The following TNFSF10 variants were observed in gnomAD, a reference collection of about 807,000 sequenced individuals.
The protein encoded by TNFSF10 is TNF superfamily member 10.
TNFSF10 carries 13 observed loss-of-function variants against 29.5 expected under a neutral mutation model. The ratio of observed to expected loss-of-function variants is 0.44; its 90% CI spans 0.29 to 0.70. TNFSF10 has a LOEUF of 0.70. Ranked by LOEUF, TNFSF10 falls within the 30% of genes least tolerant of loss-of-function variation. The probability of loss-of-function intolerance (pLI) is 0.13; values close to 1 mark genes in which losing one functional copy is unlikely to be tolerated. For missense variants in TNFSF10, 345 were observed against 330.9 expected (o/e 1.04, Z -0.33); for synonymous variants, 111 against 112.8 (o/e 0.98, Z 0.10).
chr3:172,506,955 A>G, intron 4 of TNFSF10, 36 bp from the exon 5 acceptor site: 1 of 1,489,704 alleles, frequency 6.7e-7, no homozygotes, highest in Non-Finnish European at 8.9e-7. Context: ...CGTTAACAGA[A>G]GGGAATTTGT....
rs1002254303 is a variant in TNFSF10, at chr3:172,506,689, G to T, written c.649C>A (p.Pro217Thr). ...VQYIYKYTSYPDPILLMKSAR... is the reference protein window; with the variant it reads ...VQYIYKYTSYTDPILLMKSAR... ...CTTTTCATCAACAATATAGGGTCAG[G>T]ATAACTTGTGTATTTGTAAATATAT... The change falls in exon 5 of 5, where the codon CCT (proline) becomes ACT (threonine). Residue 217 changes from proline to threonine, a missense_variant. Transcript: ENST00000241261. 1.2e-6 allele frequency: 2 copies of T among 1,614,038 alleles called. No individual in the cohort carries two copies. Among genetic ancestry groups the T allele is most frequent in the East Asian group, 4.5e-5 (2 of 44,894 alleles).
At position 172,506,531 on chromosome 3, in the gene TNFSF10, G is replaced by C. The variant is rs903747692; in HGVS notation, c.807C>G (p.Asp269Glu). Residue 269 changes from aspartate (D) to glutamate (E), a missense_variant, in exon 5 of 5, where the codon GAC (aspartate) becomes GAG (glutamate). By Grantham distance (45) the Asp-to-Glu change is conservative (BLOSUM62 2). Coordinates refer to ENST00000241261, the MANE Select transcript of TNFSF10 (RefSeq NM_003810.4). ...SVTNEHLIDMDHEASFFGAFL... is the reference protein window; with the variant it reads ...SVTNEHLIDMEHEASFFGAFL... Reference sequence around the variant, plus strand: ...AGGCCCCAAAAAAACTGGCTTCATGGTCCATGTCTATCAAGTGCTCATTTG... The same window carrying C: ...AGGCCCCAAAAAAACTGGCTTCATGCTCCATGTCTATCAAGTGCTCATTTG... 6.2e-7 allele frequency: 1 copy of C among 1,613,426 alleles called. No homozygotes were observed. Among genetic ancestry groups the C allele is most frequent in the Non-Finnish European group, 8.5e-7 (1 of 1,179,854 alleles).
intron 2 of TNFSF10, 129 bp downstream of exon 2, chr3:172,514,732 T>C: frequency 7.7e-7 from 1 of 1,294,724 alleles, no homozygotes; most frequent in South Asian, 1.6e-5. Flanking sequence ...ACTTAAATAC[T>C]CTGGGCCTAA....
chr3:172,511,505 A>C (rs1713222368), intron 3 of TNFSF10, 112 bp downstream of exon 3: 8 of 828,556 alleles, frequency 9.7e-6, no homozygotes, highest in Non-Finnish European at 1.1e-5. Context: ...GGAGCAGCAG[A>C]TCAGAGGATG....
chr3:172,522,890 A>C (rs547821210), intron 1 of TNFSF10, among the ~76,000 whole-genome samples: 1 of 152,334 alleles, frequency 6.6e-6, no homozygotes, highest in Admixed American at 6.5e-5. Context: ...CACAAATAAA[A>C]GTTTGGAAAA....
intron 2 of TNFSF10, 53 bp downstream of exon 2, chr3:172,514,808 A>G: frequency 6.3e-7 from 1 of 1,596,008 alleles, no homozygotes; most frequent in South Asian, 1.1e-5. Flanking sequence ...GCTTTAAGGA[A>G]TTCTTCTGGC....
intron 3 of TNFSF10, among the ~76,000 whole-genome samples, chr3:172,509,882 G>A (rs1713152837): frequency 6.6e-6 from 1 of 151,560 alleles, no homozygotes; most frequent in African/African-American, 2.4e-5. Context: ...AGGAGGCTGA[G>A]GCAGGAGAAT....
chr3:172,507,138 G>C (rs1330434240), intron 4 of TNFSF10: 12 of 538,660 alleles, frequency 2.2e-5, no homozygotes. Flanking sequence ...GGGAACTGTT[G>C]GGAGTCCCTT....
intron 1 of TNFSF10, among the ~76,000 whole-genome samples, chr3:172,519,061 G>T (rs546624735): frequency 5.8e-4 from 89 of 152,280 alleles, no homozygotes; most frequent in African/African-American, 2.0e-3. Flanking sequence ...CTGAGCTTTA[G>T]TTTGTTCATC....
At chr3:172,507,151 CT>C in intron 4 of TNFSF10, 1 of 509,394 alleles carries the variant, frequency 2.0e-6, no homozygotes, top group Non-Finnish European at 3.4e-6. Context: ...AGTCCCTTGT[CT>C]TTTTATACCT....
chr3:172,522,059 G>C (rs1560148903), intron 1 of TNFSF10, among the ~76,000 whole-genome samples: 1 of 113,870 alleles, frequency 8.8e-6, no homozygotes, highest in East Asian at 2.9e-4. Flanking sequence ...GGAGGCTAGG[G>C]GAGGGAGAGC....
At chr3:172,517,038 G>A (rs1045038758) in intron 1 of TNFSF10, among the ~76,000 whole-genome samples, 2 of 152,234 alleles carry the variant, frequency 1.3e-5, no homozygotes, top group Admixed American at 6.5e-5. Context: ...ACTTGTTGGG[G>A]CAAGAAGGTG....
intron 1 of TNFSF10, chr3:172,518,378 G>A: frequency 3.1e-6 from 4 of 1,288,184 alleles, no homozygotes; most frequent in Non-Finnish European, 4.0e-6. Flanking sequence ...AGGTCAGCAG[G>A]GTAGACTCAG....
At chr3:172,508,955 GAAA>G (rs10706597) in intron 4 of TNFSF10, among the ~76,000 whole-genome samples, 6 of 151,308 alleles carry the variant, frequency 4.0e-5, no homozygotes, top group Non-Finnish European at 8.8e-5. Context: ...TCTAAAGAAG[GAAA>G]AAAAATGGGA....
chr3:172,511,307 CT>C lies in TNFSF10; in HGVS notation c.313+309del, dbSNP rs371719032. The C allele has an allele frequency of 3.0e-3, 630 of 211,160 alleles. 5 individuals carry two copies. The highest frequency in any genetic ancestry group is 0.014 in the African/African-American group (593 of 43,768). 13.1% of individuals were successfully genotyped at this position (211,160 alleles called of 1,614,324 possible). ...ATTTCCCAGAAACGATTTAAGATGG[CT>C]TCTTTGTAACACATTAGAAGGTAGA... On this transcript the variant is annotated intron_variant, in intron 3 of 4. Transcript: ENST00000241261.
chr3:172,523,309 G>A lies in TNFSF10; in HGVS notation c.76C>T (p.Leu26=). ...GTTACAGCCACACAGAGAGACTGCA[G>A]GAGCACTGTGAAGATCACGATCAGC... ...CVLIVIFTVL[L]QSLCVAVTYV... The change falls in exon 1 of 5, where the codon CTG becomes TTG. Residue 26 remains leucine, a synonymous_variant. Transcript: ENST00000241261. 2 of 1,614,112 alleles carry A rather than the reference G, an allele frequency of 1.2e-6. No homozygotes were observed. The highest frequency in any genetic ancestry group is 1.7e-6 in the Non-Finnish European group (2 of 1,179,948).
chr3:172,517,243 T>G (rs1577014257), intron 1 of TNFSF10: 2 of 747,464 alleles, frequency 2.7e-6, no homozygotes, highest in African/African-American at 1.9e-5. Flanking sequence ...ACAAGGATGG[T>G]CGTGGTGGAG....
intron 1 of TNFSF10, among the ~76,000 whole-genome samples, chr3:172,520,897 T>C (rs231979): frequency 0.87 from 132,261 of 152,164 alleles, 57,583 homozygotes; most frequent in East Asian, 1. Flanking sequence ...GAAATAACAC[T>C]ACACATCTAC....
At chr3:172,509,164 G>T in intron 4 of TNFSF10, 53 bp downstream of exon 4, 1 of 1,460,130 alleles carries the variant, frequency 6.8e-7, no homozygotes, top group Non-Finnish European at 9.5e-7. Context: ...AAGTTACTTG[G>T]CACAATCCTT....
Sources: gnomAD v4.1 joint callset for allele counts (sites outside exome capture counted in the v4.1 genomes callset) on GRCh38, gnomAD v4.1.1 for gene constraint, MANE v1.5 for transcripts, NCBI Gene and HGNC (gene_info 2026-07-23, HGNC 2026-07-21) for gene names.